Variants in CCDC146 observed in about 807,000 individuals in gnomAD.
The protein encoded by CCDC146 is coiled-coil domain containing 146.
CCDC146 carries 92 observed loss-of-function variants against 119.3 expected under a neutral mutation model. That is an observed-to-expected ratio of 0.77 (90% CI 0.65 to 0.92). The LOEUF (loss-of-function observed/expected upper bound fraction) is 0.92, where lower values mean the gene tolerates loss of function less well. Ranked by LOEUF, CCDC146 falls within the 40% of genes least tolerant of loss-of-function variation. The pLI is 0.00. For synonymous variants in CCDC146, 372 were observed against 371.8 expected (o/e 1.00, Z -0.01); for missense variants, 1,000 against 1,103.0 (o/e 0.91, Z 1.32).
chr7:77,220,470 G>A (rs1223288569), intron 2 of CCDC146, among the ~76,000 whole-genome samples: 4 of 152,250 alleles, frequency 2.6e-5, no homozygotes, highest in East Asian at 1.9e-4. Context: ...CTCAGCTTAC[G>A]AAGATGACGG....
chr7:77,126,298 A>T (rs1790688617), intron 1 of CCDC146, among the ~76,000 whole-genome samples: 1 of 152,068 alleles, frequency 6.6e-6, no homozygotes. Flanking sequence ...GCTACATTTC[A>T]TCATGTTATT....
rs1584103939 is a variant in CCDC146 at position 77,241,349 on chromosome 7, G to T, written c.240-342G>T. Among the ~76,000 whole-genome samples the T allele has an allele frequency of 2.1e-5, 2 of 95,188 alleles. 1 individual carries two copies. The highest frequency in any genetic ancestry group is 5.9e-5 in the Non-Finnish European group (2 of 33,812). The allele number at this position is 95,188 out of a possible 152,430, so 62.4% of individuals were successfully genotyped here. A position where few individuals can be genotyped will look rare whatever the true frequency, so the allele number is the denominator to read the frequency against. On this transcript the variant is annotated intron_variant, in intron 3 of 18. Transcript: ENST00000285871. ...TGGGATTACAGGCATGAGCCATCGC[G>T]CCCGGCCACGTTGACAGTTTTAAGA...
At chr7:77,191,231 G>T (rs75551765) in intron 2 of CCDC146, among the ~76,000 whole-genome samples, 1,664 of 152,300 alleles carry the variant, frequency 0.011, 11 homozygotes, top group Non-Finnish European at 0.017. Context: ...TAACGTCGCT[G>T]TTTCTGAGAA....
At chr7:77,209,284 G>C (rs1031749016) in intron 2 of CCDC146, among the ~76,000 whole-genome samples, 1 of 152,158 alleles carries the variant, frequency 6.6e-6, no homozygotes, top group Non-Finnish European at 1.5e-5. Context: ...AAACAAAGTA[G>C]GTACAGGCCC....
At chr7:77,271,331 T>TGGGCAGGAAGG (rs1793509069) in intron 9 of CCDC146, among the ~76,000 whole-genome samples, 1 of 151,532 alleles carries the variant, frequency 6.6e-6, no homozygotes, top group African/African-American at 2.4e-5. Context: ...TCTCCCGTGC[T>TGGGCAGGAAGG]GGACCCTTCC....
chr7:77,220,258 G>A (rs1234483543), intron 2 of CCDC146, among the ~76,000 whole-genome samples: 1 of 152,122 alleles, frequency 6.6e-6, no homozygotes, highest in Non-Finnish European at 1.5e-5. Context: ...TCTCCTATTC[G>A]CTTTTGCAAG....
At chr7:77,223,944 G>A (rs1490930318) in intron 2 of CCDC146, among the ~76,000 whole-genome samples, 1 of 152,204 alleles carries the variant, frequency 6.6e-6, no homozygotes, top group African/African-American at 2.4e-5. Context: ...CTACCTGGAG[G>A]TGTCACTTGA....
At chr7:77,212,721 A>C (rs1451013350) in intron 2 of CCDC146, among the ~76,000 whole-genome samples, 1 of 151,960 alleles carries the variant, frequency 6.6e-6, no homozygotes, top group Non-Finnish European at 1.5e-5. Context: ...AAAAGAAAAG[A>C]GTAAATTATT....
At chr7:77,166,016 A>G (rs1791333273) in intron 1 of CCDC146, among the ~76,000 whole-genome samples, 1 of 152,226 alleles carries the variant, frequency 6.6e-6, no homozygotes, top group African/African-American at 2.4e-5. Context: ...CTTTGAATAA[A>G]TGAAGTATGA....
intron 4 of CCDC146, among the ~76,000 whole-genome samples, chr7:77,246,178 C>G (rs1562846277): frequency 6.6e-6 from 1 of 152,210 alleles, no homozygotes; most frequent in Non-Finnish European, 1.5e-5. Context: ...ATCATTCAGT[C>G]TATGCATAAA....
chr7:77,202,396 A>G (rs911817292), intron 2 of CCDC146, among the ~76,000 whole-genome samples: 7 of 152,222 alleles, frequency 4.6e-5, no homozygotes, highest in Non-Finnish European at 1.0e-4. Context: ...ATCTGTTTGA[A>G]TCAGAAATGT....
chr7:77,144,162 T>G (rs1790979360), intron 1 of CCDC146, among the ~76,000 whole-genome samples: 1 of 151,760 alleles, frequency 6.6e-6, no homozygotes, highest in Non-Finnish European at 1.5e-5. Flanking sequence ...CTAGGTATTT[T>G]ATTCTCTTTG....
chr7:77,280,556 A>G lies in CCDC146; in HGVS notation c.1822A>G (p.Asn608Asp). 1 of 1,614,200 alleles carries G rather than the reference A, an allele frequency of 6.2e-7. No homozygotes were observed. Among genetic ancestry groups the G allele is most frequent in the Non-Finnish European group, 8.5e-7 (1 of 1,180,024 alleles). ...AGAAAAGAAGGAAGCCCAGTTAAAT[A>G]ACATTGACAGACTTGCCAACACGAT... ...MKEKKEAQLN[N>D]IDRLANTITM... Residue 608 changes from asparagine to aspartate, a missense_variant, in exon 14 of 19, where the codon AAC becomes GAC. Transcript: ENST00000285871.
chr7:77,258,496 A>T (rs1011057501), intron 6 of CCDC146, among the ~76,000 whole-genome samples: 11 of 152,198 alleles, frequency 7.2e-5, no homozygotes, highest in African/African-American at 2.2e-4. Context: ...GTATTGAATA[A>T]ATTACATTTA....
At chr7:77,276,034 C>A (rs1376232401) in intron 11 of CCDC146, among the ~76,000 whole-genome samples, 2 of 151,664 alleles carry the variant, frequency 1.3e-5, no homozygotes, top group Non-Finnish European at 2.9e-5. Context: ...TGGTGAAACC[C>A]CATCTCTACT....
At chr7:77,128,786 G>A (rs769407363) in intron 1 of CCDC146, among the ~76,000 whole-genome samples, 2 of 152,238 alleles carry the variant, frequency 1.3e-5, no homozygotes, top group Admixed American at 6.5e-5. Context: ...GAGTGTGTGG[G>A]GGAATCCCGA....
intron 1 of CCDC146, among the ~76,000 whole-genome samples, chr7:77,126,407 C>G (rs1198435304): frequency 1.3e-5 from 2 of 151,968 alleles, no homozygotes; most frequent in African/African-American, 4.8e-5. Flanking sequence ...GAATGAGGTA[C>G]GCAGACAAGT....
chr7:77,167,747 A>G lies in CCDC146; in HGVS notation c.79A>G (p.Ile27Val), dbSNP rs1315399519. ...AAAGGATCAAGAGCCCATTTATGCCATAGTGCCCACAATTAACATTCAAGA... is the reference window on the plus strand; with the variant it reads ...AAAGGATCAAGAGCCCATTTATGCCGTAGTGCCCACAATTAACATTCAAGA... The part of the protein sequence containing the change: ...DEKDQEPIYA[I>V]VPTINIQDER... Residue 27 changes from isoleucine (I) to valine (V), a missense_variant, in exon 2 of 19, where the codon ATA becomes GTA. Coordinates refer to ENST00000285871, the MANE Select transcript of CCDC146 (RefSeq NM_020879.3). The G allele has an allele frequency of 2.5e-6, 4 of 1,611,834 alleles. No individual in the cohort carries two copies. The highest frequency in any genetic ancestry group is 2.2e-5 in the South Asian group (2 of 90,684).
intron 8 of CCDC146, among the ~76,000 whole-genome samples, chr7:77,261,283 C>T (rs1026935263): frequency 6.6e-6 from 1 of 152,038 alleles, no homozygotes; most frequent in African/African-American, 2.4e-5. Context: ...ATCCTCTACC[C>T]TCCAAAAGGC....
Sources: allele counts gnomAD v4.1 joint callset (sites outside exome capture counted in the v4.1 genomes callset), GRCh38; gene constraint gnomAD v4.1.1; transcripts MANE v1.5; gene names NCBI Gene and HGNC (gene_info 2026-07-23, HGNC 2026-07-21).